DENND1A: variants seen among roughly 807,000 people sequenced by gnomAD.
DENND1A encodes DENN domain-containing protein 1A.
DENND1A carries 51 observed loss-of-function variants against 113.7 expected under a neutral mutation model. That is an observed-to-expected ratio of 0.45 (90% CI 0.36 to 0.57). The LOEUF is 0.57. DENND1A is among the 20% of genes least tolerant of loss of function. The pLI is 0.00. For synonymous variants in DENND1A, 565 were observed against 570.8 expected (o/e 0.99, Z 0.14); for missense variants, 1,258 against 1,395.9 (o/e 0.90, Z 1.57).
At chr9:123,865,286 T>G (rs1368818202) in intron 2 of DENND1A, among the ~76,000 whole-genome samples, 2 of 152,182 alleles carry the variant, frequency 1.3e-5, no homozygotes, top group African/African-American at 4.8e-5. Flanking sequence ...GAAGCCTAAA[T>G]AAAACCCAAG....
intron 19 of DENND1A, 29 bp from the exon 20 acceptor site, chr9:123,411,858 A>G: frequency 1.0e-6 from 1 of 985,576 alleles, no homozygotes; most frequent in Non-Finnish European, 1.2e-6. Context: ...TTACAACATC[A>G]GGACACACTG....
chr9:123,892,559 A>G (rs1329273043), intron 1 of DENND1A, among the ~76,000 whole-genome samples: 2 of 152,206 alleles, frequency 1.3e-5, no homozygotes, highest in Non-Finnish European at 2.9e-5. Flanking sequence ...GAATATTTAT[A>G]AGAATACAAA....
At chr9:123,432,439 A>G (rs1171289082) in intron 19 of DENND1A, among the ~76,000 whole-genome samples, 1 of 151,980 alleles carries the variant, frequency 6.6e-6, no homozygotes, top group Non-Finnish European at 1.5e-5. Context: ...AGTCCAAACA[A>G]CTCTGGACAG....
chr9:123,919,447 G>A (rs1212253215), intron 1 of DENND1A, among the ~76,000 whole-genome samples: 2 of 151,536 alleles, frequency 1.3e-5, no homozygotes. Flanking sequence ...ACTCCAGCTT[G>A]GGTGACAAAG....
chr9:123,897,288 T>C (rs983777565), intron 1 of DENND1A, among the ~76,000 whole-genome samples: 2 of 152,194 alleles, frequency 1.3e-5, no homozygotes, highest in African/African-American at 4.8e-5. Context: ...TCACTCAGCA[T>C]AGACTCAAGG....
chr9:123,879,082 T>C, intron 1 of DENND1A, 61 bp from the exon 2 acceptor site: 1 of 1,530,394 alleles, frequency 6.5e-7, no homozygotes, highest in Non-Finnish European at 9.0e-7. Context: ...ATAGAACATG[T>C]GGGCTATGGT....
chr9:123,871,353 G>C (rs548975523), intron 2 of DENND1A, among the ~76,000 whole-genome samples: 20 of 152,260 alleles, frequency 1.3e-4, no homozygotes, highest in African/African-American at 2.6e-4. Flanking sequence ...CAAAGTGCTA[G>C]GATTACAGGC....
intron 19 of DENND1A, among the ~76,000 whole-genome samples, chr9:123,413,076 C>T (rs989737016): frequency 3.9e-5 from 6 of 152,108 alleles, no homozygotes; most frequent in African/African-American, 7.2e-5. Flanking sequence ...CCCACGTACT[C>T]GGGAGGCTAG....
At chr9:123,436,241 C>G (rs1482079972) in intron 19 of DENND1A, among the ~76,000 whole-genome samples, 2 of 152,242 alleles carry the variant, frequency 1.3e-5, no homozygotes, top group African/African-American at 2.4e-5. Context: ...GAACTGAGCT[C>G]CATCACCCCT....
chr9:123,582,307 G>C (rs2058939489), intron 12 of DENND1A, among the ~76,000 whole-genome samples: 1 of 152,224 alleles, frequency 6.6e-6, no homozygotes, highest in Non-Finnish European at 1.5e-5. Context: ...ACTCCCACAG[G>C]AAGAGGAGAG....
intron 9 of DENND1A, among the ~76,000 whole-genome samples, chr9:123,643,215 G>A (rs1266992461): frequency 2.0e-5 from 3 of 152,142 alleles, no homozygotes; most frequent in East Asian, 1.9e-4. Context: ...ACTAATTTTT[G>A]TTGACGCAGT....
rs865962436 is a variant in DENND1A, at chr9:123,508,751, T to C, written c.993+48819A>G. Reference sequence around the variant, plus strand: ...CAGGTGAAGTGTGAAGTGTTAATTGTATCTAAAAAAAAGTATAAAAGAATA... The same window carrying C: ...CAGGTGAAGTGTGAAGTGTTAATTGCATCTAAAAAAAAGTATAAAAGAATA... On this transcript the variant is annotated intron_variant, in intron 13 of 23. Transcript: ENST00000394215. 2.4e-4 allele frequency among the ~76,000 whole-genome samples: 36 copies of C among 152,270 alleles called. 1 individual carries two copies. The South Asian group carries it at 6.8e-3, about 29-fold the overall frequency.
intron 22 of DENND1A, among the ~76,000 whole-genome samples, chr9:123,384,556 C>T (rs553208326): frequency 2.0e-5 from 3 of 152,354 alleles, no homozygotes; most frequent in African/African-American, 7.2e-5. Context: ...ACAGCAGACA[C>T]GCACGGGTTG....
At chr9:123,860,813 TAG>T (rs1183146461) in intron 2 of DENND1A, among the ~76,000 whole-genome samples, 11 of 152,234 alleles carry the variant, frequency 7.2e-5, no homozygotes, top group Non-Finnish European at 1.5e-4. Flanking sequence ...CACCACACAA[TAG>T]AGTTTCTCAT....
rs564403324 is a variant in DENND1A, at chr9:123,921,677, G to A, written c.17+8212C>T. Among the ~76,000 whole-genome samples, 4 of 152,234 alleles carry A rather than the reference G, an allele frequency of 2.6e-5. No individual in the cohort carries two copies. The South Asian group carries it at 6.2e-4, about 24-fold the overall frequency. On this transcript the variant is annotated intron_variant, in intron 1 of 23. Coordinates refer to ENST00000394215, the MANE Select transcript of DENND1A (RefSeq NM_001352964.2). Reference sequence around the variant, plus strand: ...TCAATAAAGCACACACATTCACTATGGATCCCTCAAAGATTCCTTCCATTC... The same window carrying A: ...TCAATAAAGCACACACATTCACTATAGATCCCTCAAAGATTCCTTCCATTC...
chr9:123,527,820 G>A (rs2054970583), intron 13 of DENND1A, among the ~76,000 whole-genome samples: 1 of 152,184 alleles, frequency 6.6e-6, no homozygotes, highest in Admixed American at 6.5e-5. Context: ...CTCAAAGAAA[G>A]ATGAATGCTA....
chr9:123,384,003 G>C lies in DENND1A; in HGVS notation c.1761-90C>G, dbSNP rs2042426883. On this transcript the variant is annotated intron_variant, in intron 22 of 23. Transcript: ENST00000394215. ...CAGCCCAAGCACATTGAGGGCTTGA[G>C]GGGTGCACGCAGGGGCCTGCGGGAC... 18 of 1,523,610 alleles carry C rather than the reference G, an allele frequency of 1.2e-5. 1 individual carries two copies. The South Asian group carries it at 1.4e-4, about 12-fold the overall frequency. 94.4% of individuals were successfully genotyped at this position (1,523,610 alleles called of 1,614,324 possible).
chr9:123,898,984 C>T (rs1385869584), intron 1 of DENND1A, among the ~76,000 whole-genome samples: 1 of 152,226 alleles, frequency 6.6e-6, no homozygotes, highest in African/African-American at 2.4e-5. Flanking sequence ...TTCTGAATTT[C>T]CACTTCCACT....
At chr9:123,725,645 G>C (rs989313701) in intron 5 of DENND1A, among the ~76,000 whole-genome samples, 1 of 152,242 alleles carries the variant, frequency 6.6e-6, no homozygotes, top group Non-Finnish European at 1.5e-5. Flanking sequence ...CCTCTGCCCA[G>C]CAGCAGGAGG....
Sources: allele counts gnomAD v4.1 joint callset (sites outside exome capture counted in the v4.1 genomes callset), GRCh38; gene constraint gnomAD v4.1.1; transcripts MANE v1.5; gene names NCBI Gene and HGNC (gene_info 2026-07-23, HGNC 2026-07-21).